The following FOCAD variants were observed in gnomAD, a reference collection of about 807,000 sequenced individuals.
The protein encoded by FOCAD is focadhesin.
FOCAD carries 198 observed loss-of-function variants against 225.6 expected under a neutral mutation model. The ratio of observed to expected loss-of-function variants is 0.88; its 90% CI spans 0.78 to 0.99. FOCAD has a LOEUF of 0.99. Among genes scored for constraint, FOCAD ranks in the 50% least tolerant of loss-of-function variants. FOCAD has a pLI of 0.00. For synonymous variants in FOCAD, 897 were observed against 755.0 expected (o/e 1.19, Z -3.08); for missense variants, 2,713 against 2,123.6 (o/e 1.28, Z -5.46).
In FOCAD at chr9:20,926,355, C is replaced by T. The variant is rs1216686135; in HGVS notation, c.3016C>T (p.Leu1006Phe). ...KEWVSMVLDT[L>F]LVIVDSHYQP... is the part of the protein sequence containing the mutation. Reference sequence around the variant, plus strand: ...GTGGGTTTCCATGGTACTTGATACACTCTTGGTCATTGTGGATAGCCATTA... The same window carrying T: ...GTGGGTTTCCATGGTACTTGATACATTCTTGGTCATTGTGGATAGCCATTA... The change falls in exon 26 of 44, where the codon CTC (leucine) becomes TTC (phenylalanine). Residue 1006 changes from leucine (L) to phenylalanine (F), a missense_variant. Transcript: ENST00000338382. The T allele has an allele frequency of 6.8e-6, 11 of 1,613,724 alleles. No individual in the cohort carries two copies. Among genetic ancestry groups the T allele is most frequent in the South Asian group, 1.1e-5 (1 of 91,082 alleles).
chr9:20,924,578 A>G (rs532571654), intron 25 of FOCAD, among the ~76,000 whole-genome samples: 1 of 152,290 alleles, frequency 6.6e-6, no homozygotes, highest in Admixed American at 6.5e-5. Flanking sequence ...AATAATAACC[A>G]TTCAAAATTA....
intron 33 of FOCAD, 78 bp downstream of exon 33, chr9:20,949,753 C>A: frequency 8.4e-7 from 1 of 1,193,016 alleles, no homozygotes; most frequent in South Asian, 1.2e-5. Context: ...CATGATACAA[C>A]ATGTTTTACC....
chr9:20,670,311 A>G (rs374330254), intron 2 of FOCAD, among the ~76,000 whole-genome samples: 29 of 152,226 alleles, frequency 1.9e-4, no homozygotes, highest in African/African-American at 7.0e-4. Flanking sequence ...AAGCCTAGTG[A>G]GGTAAATATC....
intron 11 of FOCAD, among the ~76,000 whole-genome samples, chr9:20,812,410 AGAT>A (rs1307116210): frequency 6.6e-6 from 1 of 152,096 alleles, no homozygotes; most frequent in Non-Finnish European, 1.5e-5. Context: ...ATTTATAAGT[AGAT>A]AACACTACTT....
intron 8 of FOCAD, among the ~76,000 whole-genome samples, chr9:20,777,231 A>G (rs1438082623): frequency 6.7e-6 from 1 of 149,752 alleles, no homozygotes; most frequent in South Asian, 2.1e-4. Context: ...ATGTCAAATT[A>G]TATTGTTTTC....
intron 18 of FOCAD, among the ~76,000 whole-genome samples, chr9:20,872,637 G>A (rs527841206): frequency 7.1e-6 from 1 of 140,648 alleles, no homozygotes; most frequent in Admixed American, 7.4e-5. Flanking sequence ...TTTCTTTCTT[G>A]CTTGCTTGCT....
intron 11 of FOCAD, among the ~76,000 whole-genome samples, chr9:20,802,576 A>G (rs1821964253): frequency 6.6e-6 from 1 of 152,168 alleles, no homozygotes; most frequent in African/African-American, 2.4e-5. Context: ...CAATTAACAC[A>G]TAAATATATT....
At chr9:20,922,698 G>A (rs1472740643) in intron 24 of FOCAD, among the ~76,000 whole-genome samples, 2 of 152,072 alleles carry the variant, frequency 1.3e-5, no homozygotes, top group African/African-American at 2.4e-5. Context: ...ATTCAGATTC[G>A]GGTTTGAAGT....
chr9:20,896,157 G>C (rs1186895894), intron 21 of FOCAD, among the ~76,000 whole-genome samples: 1 of 151,776 alleles, frequency 6.6e-6, no homozygotes, highest in Admixed American at 6.6e-5. Flanking sequence ...TGATATGTGG[G>C]AATAAACATT....
chr9:20,885,543 T>G, intron 21 of FOCAD: 1 of 161,282 alleles, frequency 6.2e-6, no homozygotes. Context: ...TGCTACTGCC[T>G]ATATCTTAAT....
intron 43 of FOCAD, among the ~76,000 whole-genome samples, chr9:20,993,816 G>T (rs1331955905): frequency 6.6e-6 from 1 of 152,110 alleles, no homozygotes; most frequent in African/African-American, 2.4e-5. Flanking sequence ...GACTTAAAAA[G>T]AATGCCAGTC....
intron 35 of FOCAD, among the ~76,000 whole-genome samples, chr9:20,970,376 C>A (rs959195916): frequency 1.3e-5 from 2 of 151,970 alleles, no homozygotes; most frequent in African/African-American, 4.8e-5. Flanking sequence ...TACTTTTCGT[C>A]TTTCTTTTTT....
rs59037366 is a variant in FOCAD, at chr9:20,660,263, A to T, written c.-78+1437A>T. 3.7e-3 allele frequency among the ~76,000 whole-genome samples: 569 copies of T among 152,342 alleles called. 10 individuals are homozygous for T. In the East Asian group the frequency reaches 0.064, roughly 17 times the overall value. On this transcript the variant is annotated intron_variant, in intron 2 of 45. Coordinates refer to the FOCAD transcript ENST00000380249. Reference sequence around the variant, plus strand: ...TTATCAGGCGCCAAGCAATATTCTGAACCCTTTGGATGTCACATATCCTTA... The same window carrying T: ...TTATCAGGCGCCAAGCAATATTCTGTACCCTTTGGATGTCACATATCCTTA...
intron 6 of FOCAD, 31 bp downstream of exon 6, chr9:20,758,222 G>C (rs1829238255): frequency 6.6e-7 from 1 of 1,508,182 alleles, no homozygotes; most frequent in Non-Finnish European, 9.1e-7. Flanking sequence ...AAAATAAAGT[G>C]AGGGAGACAG....
At chr9:20,971,363 A>C (rs1290237320) in intron 35 of FOCAD, among the ~76,000 whole-genome samples, 1 of 152,134 alleles carries the variant, frequency 6.6e-6, no homozygotes, top group East Asian at 1.9e-4. Context: ...GCTATTTCTG[A>C]ATATGCATCT....
chr9:20,877,719 G>A (rs1004115570), intron 19 of FOCAD, among the ~76,000 whole-genome samples: 1 of 152,118 alleles, frequency 6.6e-6, no homozygotes, highest in Non-Finnish European at 1.5e-5. Context: ...AGACCAGCCT[G>A]GCCAACATGG....
chr9:20,842,933 C>G (rs892712164), intron 15 of FOCAD, among the ~76,000 whole-genome samples: 7 of 151,832 alleles, frequency 4.6e-5, no homozygotes, highest in Admixed American at 3.9e-4. Flanking sequence ...TAACATCTTA[C>G]AACCCATTAT....
chr9:20,827,082 A>G (rs570188489), intron 15 of FOCAD, among the ~76,000 whole-genome samples: 49 of 152,234 alleles, frequency 3.2e-4, no homozygotes, highest in Admixed American at 9.8e-4. Context: ...CATTTAATGT[A>G]TATAATTTAA....
At chr9:20,685,887 G>A (rs1351583350) in intron 1 of FOCAD, among the ~76,000 whole-genome samples, 5 of 152,218 alleles carry the variant, frequency 3.3e-5, no homozygotes, top group Admixed American at 6.5e-5. Flanking sequence ...ACAGCCTCGC[G>A]CCCTGTAATA....
Sources: gnomAD v4.1 joint callset for allele counts (sites outside exome capture counted in the v4.1 genomes callset) on GRCh38, gnomAD v4.1.1 for gene constraint, MANE v1.5 for transcripts, NCBI Gene and HGNC (gene_info 2026-07-23, HGNC 2026-07-21) for gene names.